The following MTR variants were observed in gnomAD, a reference collection of about 807,000 sequenced individuals.
The protein encoded by MTR is methionine synthase.
Under a neutral mutation model 154.8 loss-of-function variants are expected in MTR, and 84 were observed. That is an observed-to-expected ratio of 0.54 (90% CI 0.45 to 0.65). The LOEUF (loss-of-function observed/expected upper bound fraction) is 0.65, where lower values mean the gene tolerates loss of function less well. MTR is among the 30% of genes least tolerant of loss of function. MTR has a pLI of 0.00. For missense variants in MTR, 1,275 were observed against 1,570.2 expected (o/e 0.81, Z 3.18); for synonymous variants, 554 against 553.9 (o/e 1.00, Z 0.00).
Position 236,795,620 on chromosome 1 carries a change from G to A in MTR, c.-84G>A, listed in dbSNP as rs768844121. 27 of 1,605,280 alleles carry A rather than the reference G, an allele frequency of 1.7e-5. No homozygotes were observed. Among genetic ancestry groups the A allele is most frequent in the Non-Finnish European group, 2.3e-5 (27 of 1,178,382 alleles). On this transcript the variant is annotated 5_prime_UTR_variant, in exon 1 of 33. An upstream open reading frame in the 5' UTR gains an earlier in-frame stop. Coordinates refer to ENST00000366577, the MANE Select transcript of MTR (RefSeq NM_000254.3). ...TGTGTGGCAGGCTCGCCTGGCGCTGGCTGGCGTGGCCCTTGGCCGTCGTCA... is the reference window on the plus strand; with the variant it reads ...TGTGTGGCAGGCTCGCCTGGCGCTGACTGGCGTGGCCCTTGGCCGTCGTCA...
chr1:236,845,957 A>G (rs1385407591), intron 15 of MTR, among the ~76,000 whole-genome samples: 1 of 152,168 alleles, frequency 6.6e-6, no homozygotes, highest in Non-Finnish European at 1.5e-5. Context: ...AACTCCCTCA[A>G]ATGGGAAACT....
intron 27 of MTR, among the ~76,000 whole-genome samples, chr1:236,887,800 C>G (rs1346156571): frequency 7.2e-5 from 11 of 152,226 alleles, no homozygotes; most frequent in Admixed American, 7.2e-4. Context: ...AGAGGGTTTT[C>G]TTTTACGGCC....
chr1:236,827,721 G>A (rs1462726041), intron 11 of MTR, among the ~76,000 whole-genome samples: 1 of 152,110 alleles, frequency 6.6e-6, no homozygotes, highest in African/African-American at 2.4e-5. Context: ...TATGAAGGAA[G>A]GGAGCGAAAC....
chr1:236,807,182 C>CT (rs1661033565), intron 3 of MTR, among the ~76,000 whole-genome samples: 2 of 150,838 alleles, frequency 1.3e-5, no homozygotes, highest in East Asian at 1.9e-4. Flanking sequence ...GTGGCTGTAC[C>CT]TTTTTTTTTG....
intron 13 of MTR, among the ~76,000 whole-genome samples, chr1:236,833,298 A>G (rs1340521194): frequency 6.6e-6 from 1 of 152,200 alleles, no homozygotes; most frequent in Non-Finnish European, 1.5e-5. Flanking sequence ...GATAGATTTG[A>G]CACTGAGAGC....
At chr1:236,872,456 A>G (rs1665189341) in intron 22 of MTR, among the ~76,000 whole-genome samples, 2 of 151,988 alleles carry the variant, frequency 1.3e-5, no homozygotes, top group South Asian at 2.1e-4. Context: ...CCTCTTTTTC[A>G]TGATCTTCCC....
In MTR at chr1:236,874,921, G is replaced by C. The variant is rs148485826; in HGVS notation, c.2594+75G>C. 8,076 of 1,526,308 alleles carry C rather than the reference G, an allele frequency of 5.3e-3. 602 individuals are homozygous for C. In the Admixed American group the frequency reaches 0.13, roughly 24 times the overall value. 94.5% of individuals were successfully genotyped at this position (1,526,308 alleles called of 1,614,324 possible). ...CAGTGTTTGAAACAGTGGGAAACCTGTGTTGTTTTGGATTTTCCCTTATGT... is the reference window on the plus strand; with the variant it reads ...CAGTGTTTGAAACAGTGGGAAACCTCTGTTGTTTTGGATTTTCCCTTATGT... On this transcript the variant is annotated intron_variant, in intron 24 of 32. Transcript: ENST00000366577.
At chr1:236,887,085 A>T (rs1373746419) in intron 27 of MTR, among the ~76,000 whole-genome samples, 1 of 152,228 alleles carries the variant, frequency 6.6e-6, no homozygotes, top group Non-Finnish European at 1.5e-5. Context: ...GAGGCGTGAG[A>T]CACAAATGCA....
chr1:236,811,525 C>G, intron 5 of MTR: 5 of 448,542 alleles, frequency 1.1e-5, no homozygotes, highest in Non-Finnish European at 2.3e-5. Flanking sequence ...ATGATGAGAT[C>G]AAGCAAATAT....
chr1:236,813,845 G>T (rs1288162330), intron 6 of MTR, among the ~76,000 whole-genome samples: 1 of 152,018 alleles, frequency 6.6e-6, no homozygotes, highest in Non-Finnish European at 1.5e-5. Context: ...TTGTGTTATT[G>T]TTAGTTTGTG....
Position 236,838,437 on chromosome 1 carries a change from C to A in MTR, c.1353C>A (p.Ser451=). The change falls in exon 15 of 33, where the codon TCC becomes TCA. Residue 451 remains serine (S), a synonymous_variant. Transcript: ENST00000366577. ...IAKVPLCIDS[S]NFAVIEAGLK... is the part of the protein sequence containing the mutation. ...AGGTACCTTTGTGCATCGACTCCTC[C>A]AATTTTGCTGTGATTGAAGCTGGGT... is the stretch of plus-strand genomic sequence containing the variant. 6.2e-7 allele frequency: 1 copy of A among 1,614,084 alleles called. No individual in the cohort carries two copies. Among genetic ancestry groups the A allele is most frequent in the Non-Finnish European group, 8.5e-7 (1 of 1,180,000 alleles).
At chr1:236,860,084 C>G (rs1234702525) in intron 19 of MTR, among the ~76,000 whole-genome samples, 162 bp downstream of exon 19, 9 of 87,102 alleles carry the variant, frequency 1.0e-4, no homozygotes, top group Non-Finnish European at 1.7e-4. Flanking sequence ...CCCCCCCCCC[C>G]CCCCCCACCA....
chr1:236,874,201 C>A (rs187501921), intron 23 of MTR, among the ~76,000 whole-genome samples: 1 of 152,208 alleles, frequency 6.6e-6, no homozygotes, highest in East Asian at 1.9e-4. Context: ...GTAATTATTG[C>A]AACTTTAAGT....
intron 15 of MTR, among the ~76,000 whole-genome samples, chr1:236,843,407 G>A (rs931705229): frequency 3.3e-5 from 5 of 152,166 alleles, no homozygotes; most frequent in African/African-American, 1.2e-4. Context: ...TACAAGGTTG[G>A]AAAGGTGGCA....
In MTR at chr1:236,895,462, C is replaced by T; in HGVS notation, c.3510C>T (p.Gly1170=). The change falls in exon 31 of 33, where the codon GGC becomes GGT. Residue 1170 remains glycine (G), a synonymous_variant. Coordinates refer to ENST00000366577, the MANE Select transcript of MTR (RefSeq NM_000254.3). ...ACCTGCGCAGGCTGCGGTACAAGGG[C>T]ATCCGCCCGGCTCCTGGCTACCCCA... ...VADLRRLRYK[G]IRPAPGYPSQ... The T allele has an allele frequency of 1.9e-6, 3 of 1,598,720 alleles. No individual in the cohort carries two copies. The highest frequency in any genetic ancestry group is 2.6e-6 in the Non-Finnish European group (3 of 1,172,244).
chr1:236,896,423 A>G lies in MTR; in HGVS notation c.3599-583A>G, dbSNP rs184911999. On this transcript the variant is annotated intron_variant, in intron 31 of 32. Coordinates refer to ENST00000366577, the MANE Select transcript of MTR (RefSeq NM_000254.3). ...TCTGGGTTTGAGTCCTGTTTCTGCC[A>G]TAAGCTAGCTGGGCGACCTCTGGCA... is the stretch of plus-strand genomic sequence containing the variant. Among the ~76,000 whole-genome samples, 633 of 152,368 alleles carry G rather than the reference A, an allele frequency of 4.2e-3. 10 individuals carry two copies. Among genetic ancestry groups the G allele is most frequent in the African/African-American group, 0.015 (612 of 41,588 alleles).
intron 12 of MTR, 53 bp downstream of exon 12, chr1:236,829,321 G>C: frequency 7.0e-7 from 1 of 1,436,512 alleles, no homozygotes; most frequent in Non-Finnish European, 9.8e-7. Flanking sequence ...TGTGGAGTGT[G>C]AGTATTCTAA....
intron 25 of MTR, among the ~76,000 whole-genome samples, chr1:236,883,767 G>A (rs577526382): frequency 5.1e-4 from 77 of 152,254 alleles, no homozygotes; most frequent in Admixed American, 2.2e-3. Context: ...TAACTCATAG[G>A]TGATTGGATT....
intron 8 of MTR, among the ~76,000 whole-genome samples, chr1:236,818,270 A>T (rs1363068562): frequency 6.6e-6 from 1 of 152,242 alleles, no homozygotes; most frequent in Non-Finnish European, 1.5e-5. Context: ...ATTGGTTCAC[A>T]TTCTAATAGG....
Sources: gnomAD v4.1 joint callset for allele counts (sites outside exome capture counted in the v4.1 genomes callset) on GRCh38, gnomAD v4.1.1 for gene constraint, MANE v1.5 for transcripts, NCBI Gene and HGNC (gene_info 2026-07-23, HGNC 2026-07-21) for gene names.